NECAB3: variants seen among roughly 807,000 people sequenced by gnomAD.
The protein encoded by NECAB3 is N-terminal EF-hand calcium binding protein 3.
A neutral mutation model predicts 57.2 loss-of-function variants in NECAB3; 38 were observed. The ratio of observed to expected loss-of-function variants is 0.66; its 90% CI spans 0.51 to 0.87. NECAB3 has a LOEUF of 0.87. Ranked by LOEUF, NECAB3 falls within the 40% of genes least tolerant of loss-of-function variation. The pLI is 0.00. For missense variants in NECAB3, 474 were observed against 527.5 expected, an observed-to-expected ratio of 0.90 and a Z score of 0.99; for synonymous variants, 223 against 222.6, an observed-to-expected ratio of 1.00 and a Z score of -0.02.
rs201272547 is a variant in NECAB3 at position 33,660,286 on chromosome 20, G to T, written c.497C>A (p.Thr166Asn). 6.2e-7 allele frequency: 1 copy of T among 1,613,190 alleles called. No individual in the cohort carries two copies. The highest frequency in any genetic ancestry group is 8.5e-7 in the Non-Finnish European group (1 of 1,179,966). ...LQSSLEGASD[T>N]LEAQAHGWRS... ...CCAGCCATGGGCCTGGGCCTCCAGG[G>T]TATCTGACGCCCCCTCCAGCGAGCT... The change falls in exon 6 of 12, where the codon ACC (threonine) becomes AAC (asparagine). Residue 166 changes from threonine to asparagine, a missense_variant. Coordinates refer to ENST00000246190, the MANE Select transcript of NECAB3 (RefSeq NM_031232.4). This position sits in a 1 kb window ranked among gnomAD's most constrained non-coding sequence, Gnocchi z 4.1.
intron 4 of NECAB3, 82 bp downstream of exon 4, chr20:33,669,605 G>A: frequency 6.5e-7 from 1 of 1,542,604 alleles, no homozygotes; most frequent in Non-Finnish European, 8.8e-7. Flanking sequence ...TGTCCCATCA[G>A]GAGACCAGCA....
rs1397403016 is a variant in NECAB3, at chr20:33,672,383, G to A, written c.154+15C>T. 2 of 1,613,994 alleles carry A rather than the reference G, an allele frequency of 1.2e-6. No homozygotes were observed. Among genetic ancestry groups the A allele is most frequent in the African/African-American group, 1.3e-5 (1 of 74,906 alleles). On this transcript the variant is annotated intron_variant, in intron 2 of 11. Transcript: ENST00000246190. ...ACCCTGCCCCACTGTGGGACCCAGG[G>A]GAAGCCACACTCACCATTCTTGTCT...
chr20:33,661,983 A>G, intron 5 of NECAB3: 1 of 174,450 alleles, frequency 5.7e-6, no homozygotes. Flanking sequence ...TACAGGAACC[A>G]TAATTGACCC....
intron 7 of NECAB3, 22 bp downstream of exon 7, chr20:33,659,863 T>C (rs2017408216): frequency 6.5e-7 from 1 of 1,540,610 alleles, no homozygotes. Context: ...CGGCCAGGCC[T>C]CCCACCCCAC....
Position 33,671,105 on chromosome 20 carries a change from C to T in NECAB3, c.155-313G>A, listed in dbSNP as rs186562937. On this transcript the variant is annotated intron_variant, in intron 2 of 11. Transcript: ENST00000246190. ...AAACAAGCAACAGGCTGGGACACGG[C>T]CACATTGTGGCAGGGCCTAGATGTC... Among the ~76,000 whole-genome samples the T allele has an allele frequency of 5.2e-4, 79 of 152,334 alleles. 1 individual carries two copies. Among genetic ancestry groups the T allele is most frequent in the Middle Eastern group, 3.4e-3 (1 of 294 alleles).
rs772683584 is a variant in NECAB3 at position 33,658,062 on chromosome 20, G to A, written c.1071-29C>T. 683 of 1,541,060 alleles carry A rather than the reference G, an allele frequency of 4.4e-4. 3 individuals are homozygous for A. Among genetic ancestry groups the A allele is most frequent in the Admixed American group, 4.1e-4 (21 of 50,812 alleles). On this transcript the variant is annotated intron_variant, in intron 10 of 11. Transcript: ENST00000246190. ...CAGAGACCCAGGCTACAGTGACCTCGCTCTCCCCACTCCCGCCCCATCCTG... is the reference window on the plus strand; with the variant it reads ...CAGAGACCCAGGCTACAGTGACCTCACTCTCCCCACTCCCGCCCCATCCTG...
chr20:33,658,332 T>C (rs2017349421), intron 10 of NECAB3, 145 bp downstream of exon 10: 2 of 843,702 alleles, frequency 2.4e-6, no homozygotes, highest in African/African-American at 3.4e-5. Flanking sequence ...CACTTCCATT[T>C]TGGAAAGGAC....
intron 5 of NECAB3, chr20:33,663,656 G>C: frequency 6.3e-7 from 1 of 1,590,092 alleles, no homozygotes; most frequent in South Asian, 1.1e-5. Flanking sequence ...CGCGGAGCGG[G>C]CGAAGGTAGC....
At chr20:33,658,293 CT>C (rs1432280612) in intron 10 of NECAB3, among the ~76,000 whole-genome samples, 183 bp downstream of exon 10, 2 of 152,196 alleles carry the variant, frequency 1.3e-5, no homozygotes, top group African/African-American at 4.8e-5. Flanking sequence ...CAGTCACCTC[CT>C]TTAGCCCATA....
intron 5 of NECAB3, chr20:33,667,140 C>T (rs1396915445): frequency 1.9e-5 from 4 of 207,422 alleles, no homozygotes; most frequent in African/African-American, 9.2e-5. Flanking sequence ...TGGGCCGCAT[C>T]GCGGTGGTGG....
At chr20:33,662,338 G>C (rs1385979309) in intron 5 of NECAB3, 4 of 1,550,898 alleles carry the variant, frequency 2.6e-6, no homozygotes, top group Non-Finnish European at 2.6e-6. Flanking sequence ...GTGGTGACCA[G>C]CCCTGCCATG....
chr20:33,672,602 GGCACAGGAAGA>G (rs1466060664), intron 1 of NECAB3, among the ~76,000 whole-genome samples, 180 bp from the exon 2 acceptor site: 4 of 152,208 alleles, frequency 2.6e-5, no homozygotes, highest in Non-Finnish European at 5.9e-5. Flanking sequence ...CTGCAAGCGG[GGCACAGGAAGA>G]GCACGCAGCG....
At position 33,670,687 on chromosome 20, in the gene NECAB3, G is replaced by C; in HGVS notation, c.260C>G (p.Thr87Ser). The C allele has an allele frequency of 6.2e-7, 1 of 1,612,806 alleles. No homozygotes were observed. The highest frequency in any genetic ancestry group is 8.5e-7 in the Non-Finnish European group (1 of 1,179,034). ...ELFSGIDGHL[T>S]DNLETEKLCD... ...CACGGCCCCCTCTCATACTCACTCG[G>C]TGAGATGCCCATCAATGCCGCTGAA... The change falls in exon 3 of 12, where the codon ACC (threonine) becomes AGC (serine). Residue 87 changes from threonine to serine, a missense_variant. Transcript: ENST00000246190.
rs924640376 is a variant in NECAB3 at position 33,674,328 on chromosome 20, C to G, written c.25G>C (p.Val9Leu). 1.7e-6 allele frequency: 2 copies of G among 1,211,084 alleles called. No individual in the cohort carries two copies. The highest frequency in any genetic ancestry group is 1.6e-5 in the African/African-American group (1 of 63,462). 75.0% of individuals were successfully genotyped at this position (1,211,084 alleles called of 1,614,324 possible). MACAGLLT[V>L]CLLRPPAPQP... is the part of the protein sequence containing the mutation. ...GGCGCGGGCGGCCGGAGCAGGCACA[C>G]GGTGAGCAGCCCCGCGCACGCCATG... The change falls in exon 1 of 12, where the codon GTG becomes CTG. Residue 9 changes from valine (V) to leucine (L), a missense_variant. Coordinates refer to ENST00000246190, the MANE Select transcript of NECAB3 (RefSeq NM_031232.4).
intron 2 of NECAB3, among the ~76,000 whole-genome samples, chr20:33,671,080 A>T (rs1016690505): frequency 6.6e-6 from 1 of 152,208 alleles, no homozygotes; most frequent in African/African-American, 2.4e-5. Flanking sequence ...CCAAGTGAAA[A>T]AACAAGCAAC....
rs1601181718 is a variant in NECAB3, at chr20:33,674,428, G to C, written c.-76C>G. ...CCGCGGCGGACTCGGTGTGGCTAGA[G>C]GCCGCCCCTTGGCGCCGGCGCCGAC... On this transcript the variant is annotated 5_prime_UTR_variant, in exon 1 of 12. Coordinates refer to ENST00000246190, the MANE Select transcript of NECAB3 (RefSeq NM_031232.4). 2 of 1,081,620 alleles carry C rather than the reference G, an allele frequency of 1.8e-6. No individual in the cohort carries two copies. The highest frequency in any genetic ancestry group is 5.2e-5 in the Admixed American group (1 of 19,194). The allele number at this position is 1,081,620 out of a possible 1,614,324, so 67.0% of individuals were successfully genotyped here. A position where few individuals can be genotyped will look rare whatever the true frequency, so the allele number is the denominator to read the frequency against.
intron 5 of NECAB3, chr20:33,666,880 G>A (rs1191044889): frequency 6.6e-6 from 1 of 152,570 alleles, no homozygotes; most frequent in Non-Finnish European, 1.5e-5. Flanking sequence ...CAGAAGAGGC[G>A]GGGCTTTCAG....
At chr20:33,669,075 G>T in intron 5 of NECAB3, 1 of 381,262 alleles carries the variant, frequency 2.6e-6, no homozygotes, top group East Asian at 5.6e-5. Context: ...CTAGTATGAA[G>T]CACCCAGTGT....
chr20:33,668,391 C>A (rs1857707504), intron 5 of NECAB3: 2 of 1,033,544 alleles, frequency 1.9e-6, no homozygotes, highest in South Asian at 2.7e-5. Flanking sequence ...TATTTGGGAC[C>A]CATGGGACCC....
Sources: gnomAD v4.1 joint callset for allele counts (sites outside exome capture counted in the v4.1 genomes callset) on GRCh38, gnomAD v4.1.1 for gene constraint, Gnocchi (gnomAD v3.1) non-coding constraint, MANE v1.5 for transcripts, NCBI Gene and HGNC (gene_info 2026-07-23, HGNC 2026-07-21) for gene names.